The following ANO10 variants were observed in gnomAD, a reference collection of about 807,000 sequenced individuals.
ANO10 encodes anoctamin-10.
A neutral mutation model predicts 74.7 loss-of-function variants in ANO10; 77 were observed. That is an observed-to-expected ratio of 1.03 (90% confidence interval 0.86 to 1.25). ANO10 has a LOEUF of 1.25. Among genes scored for constraint, ANO10 ranks in the 50% most tolerant of loss-of-function variants. The pLI is 0.00. For missense variants in ANO10, 721 were observed against 778.1 expected (o/e 0.93, Z 0.87); for synonymous variants, 279 against 284.9 (o/e 0.98, Z 0.21).
intron 11 of ANO10, among the ~76,000 whole-genome samples, chr3:43,501,338 G>A (rs2077093410): frequency 6.6e-6 from 1 of 152,194 alleles, no homozygotes; most frequent in South Asian, 2.1e-4. Flanking sequence ...AGCCATTCAT[G>A]AGGGATCTGC....
At chr3:43,372,226 C>T (rs1481913173) in intron 12 of ANO10, among the ~76,000 whole-genome samples, 1 of 152,176 alleles carries the variant, frequency 6.6e-6, no homozygotes, top group Non-Finnish European at 1.5e-5. Flanking sequence ...GACCATGGAA[C>T]TTCGGCCATC....
At chr3:43,407,933 G>A (rs1161303664) in intron 12 of ANO10, among the ~76,000 whole-genome samples, 2 of 152,184 alleles carry the variant, frequency 1.3e-5, no homozygotes, top group African/African-American at 4.8e-5. Context: ...GGTTTCTCTT[G>A]AGTCATGCAG....
chr3:43,585,446 A>G (rs771429050), intron 4 of ANO10, among the ~76,000 whole-genome samples: 51 of 152,334 alleles, frequency 3.3e-4, no homozygotes, highest in Non-Finnish European at 7.2e-4. Context: ...CAGACTGGCT[A>G]CCTACACAGT....
intron 1 of ANO10, among the ~76,000 whole-genome samples, chr3:43,607,450 A>G (rs2082617414): frequency 6.6e-6 from 1 of 152,042 alleles, no homozygotes; most frequent in Non-Finnish European, 1.5e-5. Flanking sequence ...TGAGAGGGTG[A>G]GACACTAAGC....
chr3:43,474,037 T>A (rs1342859706), intron 11 of ANO10, among the ~76,000 whole-genome samples: 3 of 152,166 alleles, frequency 2.0e-5, no homozygotes, highest in Non-Finnish European at 4.4e-5. Flanking sequence ...AAAGAGCATT[T>A]TTATATTGTG....
intron 1 of ANO10, among the ~76,000 whole-genome samples, chr3:43,685,025 T>C (rs1047946057): frequency 2.0e-5 from 3 of 152,230 alleles, no homozygotes; most frequent in African/African-American, 4.8e-5. Context: ...GGCACATGTA[T>C]ACATATGTAA....
At chr3:43,410,253 TTTTA>T (rs969518393) in intron 12 of ANO10, among the ~76,000 whole-genome samples, 15 of 152,114 alleles carry the variant, frequency 9.9e-5, no homozygotes, top group African/African-American at 3.4e-4. Flanking sequence ...ATTTTATTTA[TTTTA>T]TTTATTTTTT....
At chr3:43,551,390 C>T (rs1215732450) in intron 10 of ANO10, 1 of 380,038 alleles carries the variant, frequency 2.6e-6, no homozygotes. Flanking sequence ...TTAAAATCAC[C>T]TATATTGAGT....
intron 11 of ANO10, among the ~76,000 whole-genome samples, chr3:43,502,309 C>G (rs2077128072): frequency 6.6e-6 from 1 of 152,128 alleles, no homozygotes; most frequent in African/African-American, 2.4e-5. Flanking sequence ...GGAGATGGTG[C>G]CTAGTGGACA....
chr3:43,469,138 G>T (rs1371623421), intron 11 of ANO10, among the ~76,000 whole-genome samples: 3 of 148,536 alleles, frequency 2.0e-5, no homozygotes, highest in African/African-American at 7.5e-5. Flanking sequence ...CACCTCCCAG[G>T]TTCAAGCGAT....
At chr3:43,593,476 T>C (rs1422959979) in intron 4 of ANO10, among the ~76,000 whole-genome samples, 1 of 152,190 alleles carries the variant, frequency 6.6e-6, no homozygotes, top group African/African-American at 2.4e-5. Flanking sequence ...AAGAAAAGAA[T>C]TTTCAACCCA....
At chr3:43,378,142 A>G (rs1013417359) in intron 12 of ANO10, among the ~76,000 whole-genome samples, 14 of 152,236 alleles carry the variant, frequency 9.2e-5, no homozygotes, top group South Asian at 2.1e-4. Flanking sequence ...AACTTAGTAA[A>G]TATTACTCTT....
At chr3:43,432,543 T>C (rs1031913123) in intron 12 of ANO10, 68 bp downstream of exon 12, 25 of 1,310,412 alleles carry the variant, frequency 1.9e-5, no homozygotes, top group Non-Finnish European at 2.5e-5. Flanking sequence ...CTGAGACTGA[T>C]TCTTCTGAAT....
intron 11 of ANO10, among the ~76,000 whole-genome samples, chr3:43,447,860 A>G (rs1382607338): frequency 6.6e-6 from 1 of 152,230 alleles, no homozygotes; most frequent in African/African-American, 2.4e-5. Flanking sequence ...TTTATTATCA[A>G]CCAAGGCCCA....
At chr3:43,686,181 A>C (rs1488966965) in intron 1 of ANO10, among the ~76,000 whole-genome samples, 2 of 152,136 alleles carry the variant, frequency 1.3e-5, no homozygotes, top group Non-Finnish European at 2.9e-5. Context: ...AGACTTTCAT[A>C]TCTGTCAATC....
chr3:43,507,080 T>C (rs2077323640), intron 11 of ANO10, among the ~76,000 whole-genome samples: 1 of 152,196 alleles, frequency 6.6e-6, no homozygotes, highest in Non-Finnish European at 1.5e-5. Context: ...TATTGGAAGA[T>C]TCTAGAAGTC....
intron 4 of ANO10, among the ~76,000 whole-genome samples, chr3:43,594,904 G>C (rs1359196622): frequency 6.6e-6 from 1 of 151,976 alleles, no homozygotes; most frequent in East Asian, 1.9e-4. Context: ...GAATCAAATA[G>C]ACACAATAAA....
chr3:43,437,518 G>A (rs1478034962), intron 11 of ANO10, among the ~76,000 whole-genome samples: 1 of 152,178 alleles, frequency 6.6e-6, no homozygotes, highest in Non-Finnish European at 1.5e-5. Context: ...CTAAATTAGA[G>A]GGCATGTGAA....
chr3:43,615,583 A>C (rs927726092), intron 1 of ANO10, among the ~76,000 whole-genome samples: 8 of 152,132 alleles, frequency 5.3e-5, no homozygotes, highest in African/African-American at 1.7e-4. Context: ...TCACATTTTC[A>C]ACAGCAAATG....
Sources: gnomAD v4.1 joint callset for allele counts (sites outside exome capture counted in the v4.1 genomes callset) on GRCh38, gnomAD v4.1.1 for gene constraint, MANE v1.5 for transcripts, NCBI Gene and HGNC (gene_info 2026-07-23, HGNC 2026-07-21) for gene names.